Variants in NPAS3 observed in about 807,000 individuals in gnomAD.
The protein encoded by NPAS3 is neuronal PAS domain-containing protein 3.
NPAS3 carries 14 observed loss-of-function variants against 73.1 expected under a neutral mutation model. The ratio of observed to expected loss-of-function variants is 0.19; its 90% CI spans 0.13 to 0.30. The LOEUF is 0.30. Ranked by LOEUF, NPAS3 falls within the 10% of genes least tolerant of loss-of-function variation. The pLI is 1.00. For missense variants in NPAS3, 1,096 were observed against 1,250.0 expected (o/e 0.88, Z 1.86); for synonymous variants, 620 against 541.5 (o/e 1.14, Z -2.01).
intron 2 of NPAS3, among the ~76,000 whole-genome samples, chr14:33,166,347 C>G (rs1354917875): frequency 1.3e-5 from 2 of 152,176 alleles, no homozygotes; most frequent in Non-Finnish European, 2.9e-5. Flanking sequence ...GATGGTGCCT[C>G]ATCCATGAAG....
chr14:33,218,541 A>G (rs1473583689), intron 3 of NPAS3, among the ~76,000 whole-genome samples: 4 of 152,220 alleles, frequency 2.6e-5, no homozygotes, highest in Non-Finnish European at 5.9e-5. Flanking sequence ...ACAAGCTTAT[A>G]TAAATAGCCT....
chr14:33,255,956 T>G (rs759063536), intron 3 of NPAS3, among the ~76,000 whole-genome samples: 1 of 152,168 alleles, frequency 6.6e-6, no homozygotes, highest in Non-Finnish European at 1.5e-5. Flanking sequence ...GCTAAAAGGA[T>G]AGCTAGAAAT....
At chr14:33,421,724 A>T (rs1233595308) in intron 4 of NPAS3, among the ~76,000 whole-genome samples, 1 of 151,970 alleles carries the variant, frequency 6.6e-6, no homozygotes, top group South Asian at 2.1e-4. Flanking sequence ...TTGGGTAGAC[A>T]AGTTGTATTG....
chr14:32,968,832 G>A (rs115885359), intron 1 of NPAS3, among the ~76,000 whole-genome samples: 2,394 of 149,554 alleles, frequency 0.016, 69 homozygotes, highest in African/African-American at 0.05. Context: ...GTGCAGGTTT[G>A]TTACATAGGT....
intron 1 of NPAS3, among the ~76,000 whole-genome samples, chr14:33,031,888 T>G (rs925697883): frequency 1.3e-5 from 2 of 152,230 alleles, no homozygotes; most frequent in African/African-American, 4.8e-5. Context: ...AACAAAGATT[T>G]TGATCTCACA....
intron 6 of NPAS3, among the ~76,000 whole-genome samples, chr14:33,726,544 T>C (rs1174599651): frequency 2.0e-5 from 3 of 152,144 alleles, no homozygotes; most frequent in Non-Finnish European, 4.4e-5. Context: ...GACGCCACCA[T>C]GTCAGAGAGG....
intron 5 of NPAS3, among the ~76,000 whole-genome samples, chr14:33,586,817 A>G (rs71419947): frequency 0.015 from 2,257 of 152,322 alleles, 32 homozygotes; most frequent in Middle Eastern, 0.027. Context: ...AATGCTTACC[A>G]CACCATGTAG....
chr14:33,405,695 C>G (rs1318942393), intron 4 of NPAS3, among the ~76,000 whole-genome samples: 1 of 152,056 alleles, frequency 6.6e-6, no homozygotes, highest in Non-Finnish European at 1.5e-5. Context: ...CTCACAGTAT[C>G]TATAGGAACA....
intron 2 of NPAS3, among the ~76,000 whole-genome samples, chr14:33,139,054 A>G (rs74969847): frequency 1.3e-5 from 2 of 152,284 alleles, no homozygotes; most frequent in East Asian, 1.9e-4. Context: ...TTGACTTCCT[A>G]TGGGATTATT....
chr14:33,051,322 A>T (rs1263230351), intron 1 of NPAS3, among the ~76,000 whole-genome samples: 1 of 150,478 alleles, frequency 6.6e-6, no homozygotes, highest in African/African-American at 2.5e-5. Flanking sequence ...CTTCCCCACT[A>T]CCACCTACTA....
Position 33,786,155 on chromosome 14 carries a change from A to G in NPAS3, c.1153+7583A>G, listed in dbSNP as rs61973027. On this transcript the variant is annotated intron_variant, in intron 9 of 11. Coordinates refer to ENST00000356141, the Ensembl canonical transcript of NPAS3. The stretch of plus-strand genomic sequence containing the variant: ...TTAGGAGGAGGCCATCAAACATAAA[A>G]CCCAAAATCAGACTTTTGTTATCCA... Among the ~76,000 whole-genome samples the G allele has an allele frequency of 3.8e-3, 584 of 152,256 alleles. 1 individual carries two copies. The highest frequency in any genetic ancestry group is 6.8e-3 in the Middle Eastern group (2 of 294).
At chr14:33,387,327 G>C (rs10144775) in intron 4 of NPAS3, among the ~76,000 whole-genome samples, 2 of 151,952 alleles carry the variant, frequency 1.3e-5, no homozygotes, top group Non-Finnish European at 2.9e-5. Flanking sequence ...CTGGGCCCTA[G>C]TGAAGAAAAA....
rs555028817 is a variant in NPAS3, at chr14:32,943,339, C to A, written c.50+3973C>A. ...ACTTATACTGTACTTCAAATATAAT[C>A]CAGAAATTGGAGCAGTTTGATAATT... is the stretch of plus-strand genomic sequence containing the variant. On this transcript the variant is annotated intron_variant, in intron 1 of 11. Transcript: ENST00000356141. 2.0e-4 allele frequency among the ~76,000 whole-genome samples: 31 copies of A among 152,194 alleles called. No homozygotes were observed. In the East Asian group the frequency reaches 6.0e-3, roughly 29 times the overall value.
At chr14:33,759,410 T>C (rs932889941) in intron 7 of NPAS3, among the ~76,000 whole-genome samples, 1 of 152,190 alleles carries the variant, frequency 6.6e-6, no homozygotes, top group Non-Finnish European at 1.5e-5. Context: ...GGTCATACAC[T>C]CAGATGTCTC....
chr14:33,561,968 A>G (rs1182863454), intron 5 of NPAS3, among the ~76,000 whole-genome samples: 1 of 152,234 alleles, frequency 6.6e-6, no homozygotes, highest in Non-Finnish European at 1.5e-5. Context: ...CTGTATGCTT[A>G]GACTGATAGC....
intron 4 of NPAS3, among the ~76,000 whole-genome samples, chr14:33,511,181 G>A (rs1029861461): frequency 2.6e-5 from 4 of 152,198 alleles, no homozygotes; most frequent in African/African-American, 7.2e-5. Context: ...CAAGGGAGAT[G>A]CAGATGGCAC....
At chr14:33,166,781 G>A (rs1423902085) in intron 2 of NPAS3, among the ~76,000 whole-genome samples, 1 of 152,148 alleles carries the variant, frequency 6.6e-6, no homozygotes, top group Non-Finnish European at 1.5e-5. Context: ...TGAATTTGGG[G>A]TGGAAAAAAT....
intron 3 of NPAS3, among the ~76,000 whole-genome samples, chr14:33,283,967 C>T (rs1268782165): frequency 2.6e-5 from 4 of 152,120 alleles, no homozygotes; most frequent in African/African-American, 4.8e-5. Flanking sequence ...GACTTCTTTG[C>T]GTGCACATTA....
At chr14:33,428,164 T>C (rs574490669) in intron 4 of NPAS3, among the ~76,000 whole-genome samples, 1 of 152,254 alleles carries the variant, frequency 6.6e-6, no homozygotes, top group South Asian at 2.1e-4. Context: ...AGAACTGATC[T>C]AGTGCATGGA....
Sources: gnomAD v4.1 joint callset for allele counts (sites outside exome capture counted in the v4.1 genomes callset) on GRCh38, gnomAD v4.1.1 for gene constraint, MANE v1.5 for transcripts, NCBI Gene and HGNC (gene_info 2026-07-23, HGNC 2026-07-21) for gene names.